The following CDH18 variants were observed in gnomAD, a reference collection of about 807,000 sequenced individuals.
CDH18 encodes the protein cadherin 18.
A neutral mutation model predicts 67.9 loss-of-function variants in CDH18; 31 were observed. The ratio of observed to expected loss-of-function variants is 0.46; its 90% CI spans 0.34 to 0.62. CDH18 has a LOEUF of 0.62. Ranked by LOEUF, CDH18 falls within the 20% of genes least tolerant of loss-of-function variation. CDH18 has a pLI of 0.01. For synonymous variants in CDH18, 362 were observed against 347.2 expected, an observed-to-expected ratio of 1.04 and a Z score of -0.48; for missense variants, 890 against 975.5, an observed-to-expected ratio of 0.91 and a Z score of 1.17.
chr5:20,132,162 T>G (rs1375583292), intron 2 of CDH18, among the ~76,000 whole-genome samples: 1 of 152,178 alleles, frequency 6.6e-6, no homozygotes, highest in Non-Finnish European at 1.5e-5. Flanking sequence ...ATGCTTGGAT[T>G]ACAGGCGTGA....
At chr5:20,216,596 C>A (rs1275025543) in intron 2 of CDH18, among the ~76,000 whole-genome samples, 2 of 151,830 alleles carry the variant, frequency 1.3e-5, no homozygotes, top group Admixed American at 1.3e-4. Context: ...TAACATATGT[C>A]CAAGTTTAGT....
chr5:20,515,147 A>G (rs1045769299), intron 1 of CDH18, among the ~76,000 whole-genome samples: 4 of 152,100 alleles, frequency 2.6e-5, no homozygotes, highest in African/African-American at 9.7e-5. Flanking sequence ...ACTATAATCA[A>G]AAAGACCTGA....
rs539248451 is a variant in CDH18, at chr5:19,731,741, T to C, written c.524-10275A>G. On this transcript the variant is annotated intron_variant, in intron 4 of 12. Coordinates refer to ENST00000382275, the MANE Select transcript of CDH18 (RefSeq NM_004934.5). ...GTGACATGTTTTAGAAATGGTTTCT[T>C]GAGATAAGCTTCCATTTTACTTAAT... Among the ~76,000 whole-genome samples, 355 of 152,302 alleles carry C rather than the reference T, an allele frequency of 2.3e-3. 1 individual carries two copies. Among genetic ancestry groups the C allele is most frequent in the African/African-American group, 8.1e-3 (336 of 41,560 alleles).
chr5:19,798,868 T>C (rs997157647), intron 3 of CDH18, among the ~76,000 whole-genome samples: 5 of 152,096 alleles, frequency 3.3e-5, no homozygotes, highest in African/African-American at 9.7e-5. Context: ...GGGTGGAATA[T>C]TTCATTATTA....
intron 1 of CDH18, among the ~76,000 whole-genome samples, chr5:20,266,983 G>A (rs771319872): frequency 6.6e-6 from 1 of 152,140 alleles, no homozygotes; most frequent in Non-Finnish European, 1.5e-5. Context: ...CATCTGGATA[G>A]ACAAAGCCAG....
chr5:20,134,338 C>T (rs1749520838), intron 2 of CDH18, among the ~76,000 whole-genome samples: 1 of 152,078 alleles, frequency 6.6e-6, no homozygotes, highest in Non-Finnish European at 1.5e-5. Flanking sequence ...TTGCTATTTA[C>T]ATTTCAGTTT....
intron 10 of CDH18, among the ~76,000 whole-genome samples, chr5:19,512,412 C>A (rs1387255363): frequency 6.6e-6 from 1 of 151,992 alleles, no homozygotes; most frequent in East Asian, 1.9e-4. Flanking sequence ...TCTGAGTAAT[C>A]TAAAAATCAT....
chr5:19,559,362 G>A (rs1739020570), intron 8 of CDH18, among the ~76,000 whole-genome samples: 1 of 151,892 alleles, frequency 6.6e-6, no homozygotes, highest in South Asian at 2.1e-4. Context: ...ATGCAGGTAT[G>A]GTTTAATATC....
chr5:19,743,152 A>C (rs2150711576), intron 4 of CDH18, among the ~76,000 whole-genome samples: 1 of 152,288 alleles, frequency 6.6e-6, no homozygotes, highest in African/African-American at 2.4e-5. Context: ...CACAGAAGGG[A>C]AGCCTGGATA....
intron 1 of CDH18, among the ~76,000 whole-genome samples, chr5:20,367,255 C>T (rs4426917): frequency 0.093 from 14,073 of 152,064 alleles, 829 homozygotes; most frequent in Non-Finnish European, 0.13. Context: ...TTAGTAATGC[C>T]CCACGGGAAA....
chr5:19,576,733 C>T (rs751510923), intron 7 of CDH18, among the ~76,000 whole-genome samples: 1 of 152,134 alleles, frequency 6.6e-6, no homozygotes, highest in Non-Finnish European at 1.5e-5. Flanking sequence ...AATCCCCTGA[C>T]TGGGTATATA....
chr5:19,801,172 G>A (rs1040658131), intron 3 of CDH18, among the ~76,000 whole-genome samples: 3 of 152,040 alleles, frequency 2.0e-5, no homozygotes, highest in Non-Finnish European at 2.9e-5. Flanking sequence ...GCATGAAGAC[G>A]TGTAGAGAAA....
chr5:19,961,373 C>G (rs1487092046), intron 2 of CDH18, among the ~76,000 whole-genome samples: 3 of 152,034 alleles, frequency 2.0e-5, no homozygotes, highest in Admixed American at 2.0e-4. Flanking sequence ...TCCCAAACCG[C>G]AAGGATTACA....
intron 12 of CDH18, among the ~76,000 whole-genome samples, chr5:19,479,650 C>T (rs192281981): frequency 3.3e-5 from 5 of 152,234 alleles, no homozygotes; most frequent in African/African-American, 9.6e-5. Context: ...AAACCCACTT[C>T]GATCCCCATT....
chr5:20,266,470 T>C (rs1433259768), intron 1 of CDH18, among the ~76,000 whole-genome samples: 1 of 151,962 alleles, frequency 6.6e-6, no homozygotes, highest in African/African-American at 2.4e-5. Context: ...GTGGTGCGAT[T>C]TCACCTCACT....
At chr5:20,456,769 G>A (rs1211893857) in intron 1 of CDH18, among the ~76,000 whole-genome samples, 2 of 152,186 alleles carry the variant, frequency 1.3e-5, no homozygotes, top group East Asian at 1.9e-4. Context: ...TTTGCAGATG[G>A]TGTCTCTAAA....
In CDH18 at chr5:20,504,428, G is replaced by A. The variant is rs115421534; in HGVS notation, c.-580+71034C>T. On this transcript the variant is annotated intron_variant, in intron 1 of 14. Coordinates refer to the CDH18 transcript ENST00000507958. Reference sequence around the variant, plus strand: ...CACTGAACAACATAGTTAAAACACGGCTTCGTGATTATTAAAACAAAACTG... The same window carrying A: ...CACTGAACAACATAGTTAAAACACGACTTCGTGATTATTAAAACAAAACTG... Among the ~76,000 whole-genome samples, 705 of 152,222 alleles carry A rather than the reference G, an allele frequency of 4.6e-3. 7 individuals are homozygous for A. The highest frequency in any genetic ancestry group is 0.016 in the African/African-American group (671 of 41,528).
intron 2 of CDH18, among the ~76,000 whole-genome samples, chr5:20,215,231 A>AC (rs1396720282): frequency 6.6e-6 from 1 of 151,930 alleles, no homozygotes; most frequent in African/African-American, 2.4e-5. Context: ...CCTATTACTC[A>AC]AACAATTTGA....
At chr5:20,201,441 C>G (rs886324767) in intron 2 of CDH18, among the ~76,000 whole-genome samples, 1 of 151,892 alleles carries the variant, frequency 6.6e-6, no homozygotes, top group African/African-American at 2.4e-5. Flanking sequence ...TCAGTGAAGG[C>G]AAAATAGGAT....
Sources: gnomAD v4.1 joint callset for allele counts (sites outside exome capture counted in the v4.1 genomes callset) on GRCh38, gnomAD v4.1.1 for gene constraint, MANE v1.5 for transcripts, NCBI Gene and HGNC (gene_info 2026-07-23, HGNC 2026-07-21) for gene names.